Variants in PAK5 observed in about 807,000 individuals in gnomAD.
The protein encoded by PAK5 is serine/threonine-protein kinase PAK 5.
A neutral mutation model predicts 65.9 loss-of-function variants in PAK5; 16 were observed. The observed-to-expected ratio is 0.24, with a 90% CI of 0.16 to 0.37. The LOEUF (loss-of-function observed/expected upper bound fraction) is 0.37, where lower values mean the gene tolerates loss of function less well. Among genes scored for constraint, PAK5 ranks in the 10% least tolerant of loss-of-function variants. The pLI is 1.00. For missense variants in PAK5, 785 were observed against 903.9 expected (o/e 0.87, Z 1.69); for synonymous variants, 371 against 354.9 (o/e 1.05, Z -0.51).
chr20:9,665,176 T>TC (rs1238238517), intron 2 of PAK5, among the ~76,000 whole-genome samples: 2 of 143,980 alleles, frequency 1.4e-5, no homozygotes, highest in African/African-American at 5.2e-5. Flanking sequence ...CACCTTGGCC[T>TC]CCCAAAGTGT....
intron 3 of PAK5, among the ~76,000 whole-genome samples, chr20:9,617,672 C>T (rs2046685082): frequency 1.3e-5 from 2 of 151,216 alleles, no homozygotes; most frequent in South Asian, 4.2e-4. Flanking sequence ...TCTTCCGCCT[C>T]AGCCTCCCGA....
At chr20:9,823,012 C>A (rs2049441061) in intron 1 of PAK5, among the ~76,000 whole-genome samples, 1 of 152,132 alleles carries the variant, frequency 6.6e-6, no homozygotes, top group Admixed American at 6.5e-5. Flanking sequence ...CATGTTGGAA[C>A]TTAAACCTGA....
At chr20:9,826,556 C>T (rs2049486483) in intron 1 of PAK5, among the ~76,000 whole-genome samples, 1 of 152,186 alleles carries the variant, frequency 6.6e-6, no homozygotes. Context: ...TAAAAAATCC[C>T]TGGCATTTAT....
chr20:9,555,489 T>G (rs1303127586), intron 7 of PAK5, among the ~76,000 whole-genome samples: 1 of 152,204 alleles, frequency 6.6e-6, no homozygotes, highest in Admixed American at 6.5e-5. Flanking sequence ...GGAAAGAAAG[T>G]CTTTCTTGAA....
chr20:9,792,991 T>C (rs2049065851), intron 1 of PAK5, among the ~76,000 whole-genome samples: 1 of 152,150 alleles, frequency 6.6e-6, no homozygotes, highest in East Asian at 1.9e-4. Flanking sequence ...CTCAGCAGAA[T>C]ACTTTGAAAA....
At chr20:9,706,574 G>C (rs1017325896) in intron 2 of PAK5, among the ~76,000 whole-genome samples, 3 of 151,378 alleles carry the variant, frequency 2.0e-5, no homozygotes, top group Non-Finnish European at 2.9e-5. Flanking sequence ...TGCCTCCCAG[G>C]CTCAAGTGAT....
Position 9,580,307 on chromosome 20 carries a change from T to A in PAK5, c.828A>T (p.Thr276=). Residue 276 remains threonine, a synonymous_variant, in exon 4 of 10, where the codon ACA becomes ACT. Transcript: ENST00000353224. The part of the protein sequence containing the change: ...RRPKSSYLNQ[T]SPQPTMRQRS... ...TCTGCCGCATGGTGGGCTGAGGGCT[T>A]GTCTGATTCAGGTACGAAGACTTTG... 6.2e-7 allele frequency: 1 copy of A among 1,614,136 alleles called. No individual in the cohort carries two copies. Among genetic ancestry groups the A allele is most frequent in the South Asian group, 1.1e-5 (1 of 91,080 alleles).
intron 3 of PAK5, among the ~76,000 whole-genome samples, chr20:9,597,146 A>G (rs2046283963): frequency 6.6e-6 from 1 of 152,234 alleles, no homozygotes; most frequent in South Asian, 2.1e-4. Flanking sequence ...TGTGGCAACT[A>G]TGAAGCCTTC....
chr20:9,728,619 C>T (rs1303151917), intron 1 of PAK5, among the ~76,000 whole-genome samples: 1 of 152,082 alleles, frequency 6.6e-6, no homozygotes. Flanking sequence ...ACTAAGGAGA[C>T]AACAACTAAA....
intron 1 of PAK5, among the ~76,000 whole-genome samples, chr20:9,750,339 G>A (rs2123615101): frequency 6.6e-6 from 1 of 152,100 alleles, no homozygotes; most frequent in South Asian, 2.1e-4. Flanking sequence ...CATTGACGAA[G>A]GAGGCTCTAA....
chr20:9,707,221 G>A (rs2048020110), intron 2 of PAK5, among the ~76,000 whole-genome samples: 1 of 151,996 alleles, frequency 6.6e-6, no homozygotes, highest in Admixed American at 6.6e-5. Flanking sequence ...CCAGGCTCAA[G>A]TGATCCTCCC....
chr20:9,664,623 G>T (rs974109634), intron 2 of PAK5, among the ~76,000 whole-genome samples: 3 of 152,212 alleles, frequency 2.0e-5, no homozygotes. Flanking sequence ...CAAGAGATTT[G>T]CTGCTGCTGT....
chr20:9,603,951 G>A (rs1001582020), intron 3 of PAK5, among the ~76,000 whole-genome samples: 4 of 152,170 alleles, frequency 2.6e-5, no homozygotes, highest in African/African-American at 4.8e-5. Context: ...TGACAGTTGT[G>A]TTAAGAGCTT....
At chr20:9,587,196 G>A (rs1482350768) in intron 3 of PAK5, among the ~76,000 whole-genome samples, 1 of 152,106 alleles carries the variant, frequency 6.6e-6, no homozygotes, top group African/African-American at 2.4e-5. Flanking sequence ...AAATGAAGAA[G>A]AAAGGAAGCT....
intron 2 of PAK5, among the ~76,000 whole-genome samples, chr20:9,656,722 G>T (rs1207123418): frequency 6.6e-6 from 1 of 152,110 alleles, no homozygotes; most frequent in Non-Finnish European, 1.5e-5. Context: ...TATGTCAAAT[G>T]TTGTGAACAT....
At chr20:9,548,418 T>C (rs964270473) in intron 7 of PAK5, among the ~76,000 whole-genome samples, 4 of 152,160 alleles carry the variant, frequency 2.6e-5, no homozygotes, top group African/African-American at 7.2e-5. Context: ...AGGGTACATG[T>C]GCACAATGTG....
At chr20:9,711,769 C>G (rs73895959) in intron 1 of PAK5, among the ~76,000 whole-genome samples, 4,643 of 152,258 alleles carry the variant, frequency 0.03, 175 homozygotes, top group African/African-American at 0.085. Flanking sequence ...ATCTCTGGGA[C>G]CTAGCCCACT....
intron 1 of PAK5, among the ~76,000 whole-genome samples, chr20:9,762,474 T>C (rs1056187336): frequency 2.0e-5 from 3 of 152,066 alleles, no homozygotes; most frequent in African/African-American, 4.8e-5. Flanking sequence ...TGAACAGATA[T>C]ATCTCCACAG....
intron 1 of PAK5, among the ~76,000 whole-genome samples, chr20:9,767,232 A>G (rs2048778990): frequency 6.6e-6 from 1 of 152,188 alleles, no homozygotes; most frequent in African/African-American, 2.4e-5. Flanking sequence ...TATTGCATGG[A>G]GGAAAATTTT....
Sources: allele counts gnomAD v4.1 joint callset (sites outside exome capture counted in the v4.1 genomes callset), GRCh38; gene constraint gnomAD v4.1.1; transcripts MANE v1.5; gene names NCBI Gene and HGNC (gene_info 2026-07-23, HGNC 2026-07-21).